Variants in NRXN3 observed in about 807,000 individuals in gnomAD.
The protein encoded by NRXN3 is neurexin 3.
A neutral mutation model predicts 137.6 loss-of-function variants in NRXN3; 32 were observed. The ratio of observed to expected loss-of-function variants is 0.23; its 90% CI spans 0.18 to 0.31. The LOEUF (loss-of-function observed/expected upper bound fraction) is 0.31. NRXN3 is among the 10% of genes least tolerant of loss of function. The probability of loss-of-function intolerance (pLI) is 1.00; values close to 1 mark genes in which losing one functional copy is unlikely to be tolerated. For synonymous variants in NRXN3, 798 were observed against 784.5 expected (o/e 1.02, Z -0.29); for missense variants, 1,574 against 2,062.5 (o/e 0.76, Z 4.59).
At chr14:79,407,373 T>A (rs1288993784) in intron 15 of NRXN3, among the ~76,000 whole-genome samples, 1 of 152,284 alleles carries the variant, frequency 6.6e-6, no homozygotes, top group Middle Eastern at 3.4e-3. Context: ...ATTCCTCCCT[T>A]CATCATGCTT....
chr14:79,808,758 AT>A (rs2099220611), intron 20 of NRXN3, among the ~76,000 whole-genome samples: 1 of 152,074 alleles, frequency 6.6e-6, no homozygotes, highest in African/African-American at 2.4e-5. Flanking sequence ...CTATAATTCA[AT>A]TTTTATTTTC....
chr14:78,266,797 A>G (rs897706692), intron 2 of NRXN3, among the ~76,000 whole-genome samples: 6 of 152,224 alleles, frequency 3.9e-5, no homozygotes, highest in Non-Finnish European at 7.3e-5. Context: ...ACAAAGAAGA[A>G]GAAATCAACC....
chr14:78,666,641 G>A (rs1294762346), intron 6 of NRXN3, among the ~76,000 whole-genome samples: 1 of 151,900 alleles, frequency 6.6e-6, no homozygotes, highest in Non-Finnish European at 1.5e-5. Context: ...AATTCCCTTG[G>A]CAATGCCCTG....
chr14:78,864,453 A>G (rs1451260810), intron 10 of NRXN3, among the ~76,000 whole-genome samples: 1 of 152,186 alleles, frequency 6.6e-6, no homozygotes, highest in African/African-American at 2.4e-5. Flanking sequence ...ACTGAAACCT[A>G]GCCAACATTT....
intron 8 of NRXN3, among the ~76,000 whole-genome samples, chr14:78,732,525 A>T (rs1439895906): frequency 6.6e-6 from 1 of 152,184 alleles, no homozygotes; most frequent in Non-Finnish European, 1.5e-5. Flanking sequence ...TAGGCTTCAG[A>T]AGACATCAGA....
In NRXN3 at chr14:78,709,411, C is replaced by T; in HGVS notation, c.1416C>T (p.Ser472=). ...KWNTKRMGSI[S]FDFRTTEPNG... ...ACACTAAACGTATGGGCTCCATCTC[C>T]TTTGACTTCCGCACCACAGAGCCCA... The change falls in exon 7 of 21, where the codon TCC becomes TCT. Residue 472 remains serine (S), a synonymous_variant. Transcript: ENST00000335750. The T allele has an allele frequency of 6.2e-7, 1 of 1,614,170 alleles. No homozygotes were observed. Among genetic ancestry groups the T allele is most frequent in the Non-Finnish European group, 8.5e-7 (1 of 1,180,020 alleles).
At chr14:78,302,670 A>G (rs913930409) in intron 4 of NRXN3, among the ~76,000 whole-genome samples, 2 of 152,152 alleles carry the variant, frequency 1.3e-5, no homozygotes, top group South Asian at 4.2e-4. Flanking sequence ...CTCAAAGTCA[A>G]CCTTCATGTC....
chr14:78,868,824 A>AAAAATAAAAT (rs377747187), intron 10 of NRXN3, among the ~76,000 whole-genome samples: 1 of 151,948 alleles, frequency 6.6e-6, no homozygotes, highest in Non-Finnish European at 1.5e-5. Context: ...TCCATCTCAA[A>AAAAATAAAAT]AAAATAAAAT....
At chr14:79,759,288 C>A (rs746154818) in intron 19 of NRXN3, among the ~76,000 whole-genome samples, 4 of 148,502 alleles carry the variant, frequency 2.7e-5, no homozygotes, top group Middle Eastern at 3.4e-3. Flanking sequence ...CCAGAAATAG[C>A]CAAAGAATAC....
intron 15 of NRXN3, among the ~76,000 whole-genome samples, chr14:79,448,758 CACAT>C (rs1411372093): frequency 6.6e-5 from 10 of 152,146 alleles, no homozygotes; most frequent in South Asian, 2.1e-4. Context: ...TATACATACA[CACAT>C]ACATTCGTAT....
intron 17 of NRXN3, among the ~76,000 whole-genome samples, chr14:79,690,286 T>A (rs1237352509): frequency 2.0e-5 from 3 of 152,098 alleles, no homozygotes; most frequent in Non-Finnish European, 4.4e-5. Context: ...AATAGAATGT[T>A]GTACCAAGAT....
chr14:78,283,641 G>A (rs532685523), intron 3 of NRXN3, among the ~76,000 whole-genome samples: 6 of 151,854 alleles, frequency 4.0e-5, no homozygotes, highest in Admixed American at 1.3e-4. Flanking sequence ...CTCGAGTAGC[G>A]AGGATTACAG....
chr14:79,804,187 T>C (rs2099194146), intron 19 of NRXN3, among the ~76,000 whole-genome samples: 1 of 152,038 alleles, frequency 6.6e-6, no homozygotes, highest in Non-Finnish European at 1.5e-5. Context: ...TATTGAACTA[T>C]AATATATTGA....
chr14:79,563,066 T>A (rs2097515219), intron 16 of NRXN3, among the ~76,000 whole-genome samples: 1 of 152,170 alleles, frequency 6.6e-6, no homozygotes, highest in African/African-American at 2.4e-5. Context: ...TGAGGAGTAA[T>A]TAGGGACTTC....
chr14:79,641,063 A>T (rs890848096), intron 16 of NRXN3, among the ~76,000 whole-genome samples: 1 of 133,636 alleles, frequency 7.5e-6, no homozygotes, highest in Non-Finnish European at 1.7e-5. Flanking sequence ...GCTGGAGTGC[A>T]GTGGTACAAT....
chr14:79,481,383 G>A (rs138733632), intron 16 of NRXN3, among the ~76,000 whole-genome samples: 3 of 152,190 alleles, frequency 2.0e-5, no homozygotes, highest in East Asian at 1.9e-4. Context: ...GCCCTGCCAG[G>A]CAATCTTATT....
intron 10 of NRXN3, among the ~76,000 whole-genome samples, chr14:78,876,252 G>C (rs925591736): frequency 6.6e-6 from 1 of 152,088 alleles, no homozygotes; most frequent in Non-Finnish European, 1.5e-5. Flanking sequence ...TGTTTTCAAA[G>C]GCAGAGAAGG....
chr14:79,023,274 T>C (rs568938799), intron 15 of NRXN3, among the ~76,000 whole-genome samples: 2 of 152,154 alleles, frequency 1.3e-5, no homozygotes, highest in South Asian at 4.2e-4. Context: ...ACTTGCTGTA[T>C]GCCCAGTAAT....
At chr14:79,306,348 C>A (rs1310334715) in intron 15 of NRXN3, among the ~76,000 whole-genome samples, 3 of 152,064 alleles carry the variant, frequency 2.0e-5, no homozygotes, top group Non-Finnish European at 4.4e-5. Context: ...TATAATGCCA[C>A]TTTCATGTCC....
Sources: gnomAD v4.1 joint callset for allele counts (sites outside exome capture counted in the v4.1 genomes callset) on GRCh38, gnomAD v4.1.1 for gene constraint, MANE v1.5 for transcripts, NCBI Gene and HGNC (gene_info 2026-07-23, HGNC 2026-07-21) for gene names.